Variants in BCKDHB observed in about 807,000 individuals in gnomAD.
BCKDHB encodes branched chain keto acid dehydrogenase E1 subunit beta.
Under a neutral mutation model 48.5 loss-of-function variants are expected in BCKDHB, and 41 were observed. The ratio of observed to expected loss-of-function variants is 0.85; its 90% CI spans 0.66 to 1.10. The LOEUF (loss-of-function observed/expected upper bound fraction) is 1.10, where lower values mean the gene tolerates loss of function less well. Among genes scored for constraint, BCKDHB ranks in the 50% least tolerant of loss-of-function variants. The pLI is 0.00. For synonymous variants in BCKDHB, 201 were observed against 174.8 expected (o/e 1.15, Z -1.18); for missense variants, 496 against 494.2 (o/e 1.00, Z -0.03).
At chr6:80,392,887 A>G in the BCKDHB span, among the ~76,000 whole-genome samples, 1 of 133,710 alleles carries the variant, frequency 7.5e-6, no homozygotes, top group Non-Finnish European at 1.5e-5. Flanking sequence ...TTTTTTGGCT[A>G]ATTACCTACT....
chr6:80,344,272 TGGGA>T lies in BCKDHB; in HGVS notation c.*469_*472del. 1 of 226,744 alleles carries T rather than the reference TGGGA, an allele frequency of 4.4e-6. No individual in the cohort carries two copies. Among genetic ancestry groups the T allele is most frequent in the Non-Finnish European group, 8.8e-6 (1 of 113,636 alleles). 14.0% of individuals were successfully genotyped at this position (226,744 alleles called of 1,614,324 possible). ...CACCTGCCTTAGCCTCCCAAAGTGC[TGGGA>T]TTACAGGCATGAGCCACTGCACCTG... is the stretch of plus-strand genomic sequence containing the variant. On this transcript the variant is annotated 3_prime_UTR_variant, in exon 10 of 10. Coordinates refer to ENST00000320393, the MANE Select transcript of BCKDHB (RefSeq NM_183050.4).
At chr6:80,135,624 T>A (rs9448898) in intron 3 of BCKDHB, among the ~76,000 whole-genome samples, 55,837 of 152,028 alleles carry the variant, frequency 0.37, 12,270 homozygotes, top group Admixed American at 0.56. Flanking sequence ...TGCCTTTTTT[T>A]CCCCACAGTG....
chr6:80,233,703 C>T (rs928037194), intron 8 of BCKDHB, among the ~76,000 whole-genome samples: 1 of 152,134 alleles, frequency 6.6e-6, no homozygotes, highest in Non-Finnish European at 1.5e-5. Context: ...AAATGGAGCT[C>T]TACTGTAGGG....
intron 9 of BCKDHB, among the ~76,000 whole-genome samples, chr6:80,292,959 G>A (rs1199247567): frequency 2.0e-5 from 3 of 152,218 alleles, no homozygotes; most frequent in Non-Finnish European, 4.4e-5. Flanking sequence ...TCAGGCTAAT[G>A]CAAGAGGTGG....
At chr6:80,220,405 GTTTTT>G (rs58469565) in intron 8 of BCKDHB, among the ~76,000 whole-genome samples, 1 of 33,852 alleles carries the variant, frequency 3.0e-5, no homozygotes, top group Non-Finnish European at 6.0e-5. Flanking sequence ...CTTTAGTAGT[GTTTTT>G]TTTTTTTTTT....
chr6:80,385,124 G>A, the BCKDHB span, among the ~76,000 whole-genome samples: 1 of 152,196 alleles, frequency 6.6e-6, no homozygotes, highest in African/African-American at 2.4e-5. Flanking sequence ...ACATAATGAA[G>A]CTGGTTGGTT....
the BCKDHB span, among the ~76,000 whole-genome samples, chr6:80,371,064 C>T: frequency 6.6e-6 from 1 of 152,094 alleles, no homozygotes; most frequent in Non-Finnish European, 1.5e-5. Context: ...GGAATCCCCA[C>T]ACTATTTTCC....
chr6:80,201,814 T>TTTACAATTTTTTATA (rs1774410457), intron 7 of BCKDHB, among the ~76,000 whole-genome samples: 1 of 152,176 alleles, frequency 6.6e-6, no homozygotes, highest in African/African-American at 2.4e-5. Context: ...ACAGATATGG[T>TTTACAATTTTTTATA]CAGTTTTAAT....
At chr6:80,330,881 C>A (rs891965303) in intron 9 of BCKDHB, among the ~76,000 whole-genome samples, 2 of 152,146 alleles carry the variant, frequency 1.3e-5, no homozygotes, top group Non-Finnish European at 2.9e-5. Flanking sequence ...GCTGTACCAT[C>A]CTTAGATTAC....
rs1770108503 is a variant in BCKDHB at position 80,344,719 on chromosome 6, C to G, written c.*915C>G. On this transcript the variant is annotated 3_prime_UTR_variant, in exon 10 of 10. Coordinates refer to ENST00000320393, the MANE Select transcript of BCKDHB (RefSeq NM_183050.4). ...TAGTCAATCACTAGATGAAGATGCTCTCTACCATGGTTTAGATTGCAAGTG... is the reference window on the plus strand; with the variant it reads ...TAGTCAATCACTAGATGAAGATGCTGTCTACCATGGTTTAGATTGCAAGTG... 6.6e-6 allele frequency: 1 copy of G among 152,192 alleles called. No homozygotes were observed. Among genetic ancestry groups the G allele is most frequent in the Non-Finnish European group, 1.5e-5 (1 of 68,030 alleles). The allele number at this position is 152,192 out of a possible 1,614,324, so 9.4% of individuals were successfully genotyped here.
At chr6:80,280,049 GT>G (rs1778133987) in intron 9 of BCKDHB, among the ~76,000 whole-genome samples, 1 of 152,188 alleles carries the variant, frequency 6.6e-6, no homozygotes, top group East Asian at 1.9e-4. Flanking sequence ...AATTAAAGTG[GT>G]TTTGTGTGTT....
chr6:80,380,238 A>G, the BCKDHB span, among the ~76,000 whole-genome samples: 1 of 151,956 alleles, frequency 6.6e-6, no homozygotes, highest in African/African-American at 2.4e-5. Context: ...CAAAAATGGT[A>G]CATGGATCAG....
chr6:80,175,216 A>C (rs1773093988), intron 6 of BCKDHB, among the ~76,000 whole-genome samples: 1 of 152,086 alleles, frequency 6.6e-6, no homozygotes, highest in African/African-American at 2.4e-5. Flanking sequence ...GAGGAGGAGG[A>C]AAGGAAGGTA....
the BCKDHB span, among the ~76,000 whole-genome samples, chr6:80,384,697 C>T: frequency 6.6e-6 from 1 of 152,094 alleles, no homozygotes; most frequent in African/African-American, 2.4e-5. Flanking sequence ...TCTCCTTGCT[C>T]CTCAAGCTTG....
intron 6 of BCKDHB, among the ~76,000 whole-genome samples, chr6:80,182,262 T>C (rs1388631294): frequency 1.3e-5 from 2 of 152,220 alleles, no homozygotes; most frequent in Non-Finnish European, 2.9e-5. Flanking sequence ...TTCAGTCAAC[T>C]GACAGTGCAA....
chr6:80,193,574 G>T (rs1437794219), intron 6 of BCKDHB, among the ~76,000 whole-genome samples: 4 of 152,022 alleles, frequency 2.6e-5, no homozygotes, highest in African/African-American at 7.2e-5. Context: ...AAAAAAACTA[G>T]CTGGGTGTGG....
At chr6:80,327,372 C>T (rs1265899645) in intron 9 of BCKDHB, among the ~76,000 whole-genome samples, 1 of 152,144 alleles carries the variant, frequency 6.6e-6, no homozygotes, top group African/African-American at 2.4e-5. Flanking sequence ...ACGGTTTCTA[C>T]TGAATACATT....
intron 8 of BCKDHB, among the ~76,000 whole-genome samples, chr6:80,245,315 G>GA (rs1333341282): frequency 1.3e-5 from 2 of 149,258 alleles, no homozygotes; most frequent in Admixed American, 6.7e-5. Flanking sequence ...AGGAATTGAA[G>GA]AAAAAACGAC....
In BCKDHB at chr6:80,212,337, C is replaced by T. The variant is rs549459632; in HGVS notation, c.951+9125C>T. Among the ~76,000 whole-genome samples, 9 of 152,262 alleles carry T rather than the reference C, an allele frequency of 5.9e-5. No individual in the cohort carries two copies. In the East Asian group the frequency reaches 1.5e-3, roughly 26 times the overall value. Reference sequence around the variant, plus strand: ...TAGACCTTCCCCCAGGAATGCATTCCTTTCCCAGGGTATTAATATTAATAT... The same window carrying T: ...TAGACCTTCCCCCAGGAATGCATTCTTTTCCCAGGGTATTAATATTAATAT... On this transcript the variant is annotated intron_variant, in intron 8 of 9. Transcript: ENST00000320393.
Sources: allele counts gnomAD v4.1 joint callset (sites outside exome capture counted in the v4.1 genomes callset), GRCh38; gene constraint gnomAD v4.1.1; transcripts MANE v1.5; gene names NCBI Gene and HGNC (gene_info 2026-07-23, HGNC 2026-07-21).